The following MRPS14 variants were observed in gnomAD, a reference collection of about 807,000 sequenced individuals.
MRPS14 encodes small ribosomal subunit protein uS14m.
In MRPS14, 14 loss-of-function variants were observed where a neutral mutation model predicts 16.4. The observed-to-expected ratio is 0.85, with a 90% confidence interval of 0.56 to 1.33. MRPS14 has a LOEUF of 1.33. Among genes scored for constraint, MRPS14 ranks in the 40% most tolerant of loss-of-function variants. The pLI, the probability that MRPS14 is intolerant of heterozygous loss-of-function variation, is 0.00. For missense variants in MRPS14, 162 were observed against 176.8 expected (o/e 0.92, Z 0.48); for synonymous variants, 54 against 61.9 (o/e 0.87, Z 0.60).
intron 2 of MRPS14, 83 bp from the exon 3 acceptor site, chr1:175,014,934 T>TTTC (rs1672853180): frequency 2.0e-5 from 16 of 805,658 alleles, no homozygotes; most frequent in South Asian, 4.5e-5. Flanking sequence ...GGTAATTTTC[T>TTTC]TTTCTTTTTT....
At chr1:175,022,443 C>CTCT (rs1195518938) in intron 1 of MRPS14, 46 of 136,996 alleles carry the variant, frequency 3.4e-4, no homozygotes, top group African/African-American at 1.2e-3. Flanking sequence ...GCCTCTCTCT[C>CTCT]TTTTTTTTTT....
chr1:175,020,243 A>G (rs1315560306), intron 1 of MRPS14, among the ~76,000 whole-genome samples: 1 of 152,204 alleles, frequency 6.6e-6, no homozygotes, highest in Non-Finnish European at 1.5e-5. Flanking sequence ...CTGTCCAAAC[A>G]AAACATGGAA....
rs751115325 is a variant in MRPS14, at chr1:175,014,737, T to A, written c.319A>T (p.Ser107Cys). ...PRGVKRRWRL[S>C]RIVFRHLADH... ...GCTAAGTGACGGAAGACTATACGAC[T>A]AAGCCTCCAGCGCCGCTTCACACCA... is the stretch of plus-strand genomic sequence containing the variant. Residue 107 changes from serine to cysteine, a missense_variant, in exon 3 of 3, where the codon AGT becomes TGT. Transcript: ENST00000476371. The A allele has an allele frequency of 2.3e-5, 37 of 1,613,962 alleles. No individual in the cohort carries two copies. Among genetic ancestry groups the A allele is most frequent in the Non-Finnish European group, 3.1e-5 (36 of 1,180,008 alleles).
intron 1 of MRPS14, 199 bp downstream of exon 1, chr1:175,023,165 A>T: frequency 7.7e-7 from 1 of 1,291,738 alleles, no homozygotes; most frequent in Non-Finnish European, 1.0e-6. Flanking sequence ...AATACCAGTT[A>T]GTCATATGCT....
At chr1:175,018,336 G>C (rs1475025918) in intron 2 of MRPS14, 82 bp downstream of exon 2, 1 of 1,275,246 alleles carries the variant, frequency 7.8e-7, no homozygotes. Flanking sequence ...TTGATACCAA[G>C]TCACAACAAA....
intron 2 of MRPS14, among the ~76,000 whole-genome samples, chr1:175,015,069 T>C (rs7554767): frequency 0.21 from 32,013 of 151,288 alleles, 3,569 homozygotes; most frequent in Admixed American, 0.25. Context: ...TGCCTCAGCC[T>C]CCCGAGTAGC....
At chr1:175,019,028 A>G (rs925925287) in intron 1 of MRPS14, among the ~76,000 whole-genome samples, 5 of 152,082 alleles carry the variant, frequency 3.3e-5, no homozygotes, top group African/African-American at 1.2e-4. Context: ...TTGTCTGTAT[A>G]CACTCCCCTC....
At chr1:175,021,684 C>A (rs1051678101) in intron 1 of MRPS14, among the ~76,000 whole-genome samples, 1 of 152,136 alleles carries the variant, frequency 6.6e-6, no homozygotes, top group Non-Finnish European at 1.5e-5. Flanking sequence ...ACCATCAACT[C>A]TCTGGCCCCT....
intron 2 of MRPS14, 82 bp from the exon 3 acceptor site, chr1:175,014,933 C>CT (rs368085151): frequency 0.023 from 17,572 of 762,358 alleles, 262 homozygotes; most frequent in South Asian, 0.028. Flanking sequence ...AGGTAATTTT[C>CT]TTTTCTTTTT....
intron 1 of MRPS14, among the ~76,000 whole-genome samples, 187 bp from the exon 2 acceptor site, chr1:175,018,763 T>C (rs895735838): frequency 1.3e-5 from 2 of 152,226 alleles, no homozygotes; most frequent in Non-Finnish European, 2.9e-5. Flanking sequence ...CTTTTATGGA[T>C]GTATATTAAG....
At chr1:175,015,386 G>T (rs894567040) in intron 2 of MRPS14, among the ~76,000 whole-genome samples, 5 of 152,186 alleles carry the variant, frequency 3.3e-5, no homozygotes, top group Non-Finnish European at 7.3e-5. Flanking sequence ...GTATGTGAAT[G>T]TATTTCTGTT....
In MRPS14 at chr1:175,013,010, A is replaced by G. The variant is rs889034384; in HGVS notation, c.*1659T>C. On this transcript the variant is annotated 3_prime_UTR_variant, in exon 3 of 3. Transcript: ENST00000476371. ...TGGAAGTACACAAAATGTTCAAACT[A>G]TAGCATGTATATATATCAAGTTGGC... 1.3e-5 allele frequency: 2 copies of G among 152,224 alleles called. No homozygotes were observed. Among genetic ancestry groups the G allele is most frequent in the Admixed American group, 1.3e-4 (2 of 15,284 alleles). The allele number at this position is 152,224 out of a possible 1,614,324, so 9.4% of individuals were successfully genotyped here. A position where few individuals can be genotyped will look rare whatever the true frequency, so the allele number is the denominator to read the frequency against.
rs929233454 is a variant in MRPS14, at chr1:175,014,020, A to T, written c.*649T>A. ...TGTTATGGATTAAATAAACATAAAAATAGGGAATATATACTGTTCCAACAA... is the reference window on the plus strand; with the variant it reads ...TGTTATGGATTAAATAAACATAAAATTAGGGAATATATACTGTTCCAACAA... On this transcript the variant is annotated 3_prime_UTR_variant, in exon 3 of 3. Coordinates refer to ENST00000476371, the MANE Select transcript of MRPS14 (RefSeq NM_022100.3). 6.6e-6 allele frequency: 1 copy of T among 152,352 alleles called. No homozygotes were observed. The highest frequency in any genetic ancestry group is 1.5e-5 in the Non-Finnish European group (1 of 68,116). 9.4% of individuals were successfully genotyped at this position (152,352 alleles called of 1,614,324 possible).
chr1:175,015,121 GTAT>G (rs1448180142), intron 2 of MRPS14, among the ~76,000 whole-genome samples: 3 of 151,696 alleles, frequency 2.0e-5, no homozygotes, highest in South Asian at 2.1e-4. Flanking sequence ...CTAATTTTTT[GTAT>G]TATTAGTAGA....
At position 175,014,864 on chromosome 1, in the gene MRPS14, A is replaced by C. The variant is rs540222557; in HGVS notation, c.205-13T>G. The C allele has an allele frequency of 6.2e-7, 1 of 1,612,492 alleles. No homozygotes were observed. The highest frequency in any genetic ancestry group is 1.3e-5 in the African/African-American group (1 of 74,874). On this transcript the variant is annotated splice_polypyrimidine_tract_variant and intron_variant, in intron 2 of 2. Coordinates refer to ENST00000476371, the MANE Select transcript of MRPS14 (RefSeq NM_022100.3). Reference sequence around the variant, plus strand: ...CATCAGCCACATCCTAAGGGAAATCACATTATTACACAGATCACATTACAT... The same window carrying C: ...CATCAGCCACATCCTAAGGGAAATCCCATTATTACACAGATCACATTACAT...
chr1:175,019,405 C>A (rs1672938367), intron 1 of MRPS14, among the ~76,000 whole-genome samples: 1 of 152,172 alleles, frequency 6.6e-6, no homozygotes, highest in South Asian at 2.1e-4. Context: ...CCTCAGCCTC[C>A]TGAGTAGCTC....
intron 2 of MRPS14, among the ~76,000 whole-genome samples, chr1:175,015,151 G>A (rs887142585): frequency 5.3e-5 from 8 of 151,926 alleles, no homozygotes; most frequent in African/African-American, 1.2e-4. Context: ...GTTTCACCAC[G>A]TTGCCCAGGC....
intron 2 of MRPS14, among the ~76,000 whole-genome samples, chr1:175,016,665 T>A (rs890815867): frequency 6.6e-6 from 1 of 152,202 alleles, no homozygotes; most frequent in South Asian, 2.1e-4. Context: ...TAATGTATAG[T>A]TGACAAATAA....
intron 1 of MRPS14, among the ~76,000 whole-genome samples, chr1:175,022,100 A>C (rs1171839064): frequency 3.9e-5 from 6 of 152,212 alleles, no homozygotes; most frequent in Non-Finnish European, 8.8e-5. Flanking sequence ...TTATTTTGGT[A>C]GAACTATATT....
Sources: gnomAD v4.1 joint callset for allele counts (sites outside exome capture counted in the v4.1 genomes callset) on GRCh38, gnomAD v4.1.1 for gene constraint, MANE v1.5 for transcripts, NCBI Gene and HGNC (gene_info 2026-07-23, HGNC 2026-07-21) for gene names.